The following MARK2 variants were observed in gnomAD, a reference collection of about 807,000 sequenced individuals.
The protein encoded by MARK2 is microtubule affinity regulating kinase 2.
A neutral mutation model predicts 89.8 loss-of-function variants in MARK2; 16 were observed. The ratio of observed to expected loss-of-function variants is 0.18; its 90% confidence interval spans 0.12 to 0.27. MARK2 has a LOEUF of 0.27. Ranked by LOEUF, MARK2 falls within the 10% of genes least tolerant of loss-of-function variation. The pLI, the probability that MARK2 is intolerant of heterozygous loss-of-function variation, is 1.00. For missense variants in MARK2, 621 were observed against 1,049.9 expected, an observed-to-expected ratio of 0.59 and a Z score of 5.65; for synonymous variants, 382 against 399.5, an observed-to-expected ratio of 0.96 and a Z score of 0.52.
intron 1 of MARK2, among the ~76,000 whole-genome samples, chr11:63,878,655 C>T (rs891243604): frequency 2.6e-5 from 4 of 152,146 alleles, no homozygotes; most frequent in Admixed American, 2.6e-4. Flanking sequence ...AGGAGTGAGC[C>T]ACCGCACCTG....
chr11:63,870,480 G>C (rs998804006), intron 1 of MARK2, among the ~76,000 whole-genome samples: 2 of 152,170 alleles, frequency 1.3e-5, no homozygotes, highest in African/African-American at 2.4e-5. Flanking sequence ...GTCACTCCGA[G>C]AAAAGCGAGA....
chr11:63,903,922 T>C lies in MARK2; in HGVS notation c.1515-64T>C. On this transcript the variant is annotated intron_variant, in intron 14 of 18. Coordinates refer to ENST00000402010, the MANE Select transcript of MARK2 (RefSeq NM_001039469.3). This position sits in a 1 kb window ranked among gnomAD's most constrained non-coding sequence, Gnocchi z 5.1. The stretch of plus-strand genomic sequence containing the variant: ...TGGCCCTTCCCCTGCCCTTGCTTCC[T>C]AATCCAGGCCTCCCGCCCTCACTCA... The C allele has an allele frequency of 7.0e-7, 1 of 1,436,248 alleles. No individual in the cohort carries two copies. Among genetic ancestry groups the C allele is most frequent in the South Asian group, 1.4e-5 (1 of 74,008 alleles). 89.0% of individuals were successfully genotyped at this position (1,436,248 alleles called of 1,614,324 possible).
At chr11:63,854,378 GTTTTTT>G (rs61469139) in intron 1 of MARK2, among the ~76,000 whole-genome samples, 1 of 108,806 alleles carries the variant, frequency 9.2e-6, no homozygotes, top group African/African-American at 3.4e-5. Flanking sequence ...TTTTCTATTT[GTTTTTT>G]TTTTTTTTTT....
chr11:63,909,435 A>T lies in MARK2; in HGVS notation c.*198A>T. ...GATTGTTCTCCAGCACCCCACATTC[A>T]CCCCTGCCCAGAGATTCCCCCTTCT... On this transcript the variant is annotated 3_prime_UTR_variant, in exon 19 of 19. Transcript: ENST00000402010. The T allele has an allele frequency of 2.0e-6, 1 of 510,832 alleles. No homozygotes were observed. The highest frequency in any genetic ancestry group is 3.1e-5 in the South Asian group (1 of 31,872). 31.6% of individuals were successfully genotyped at this position (510,832 alleles called of 1,614,324 possible).
chr11:63,868,116 G>T (rs945869699), intron 1 of MARK2, among the ~76,000 whole-genome samples: 1 of 152,142 alleles, frequency 6.6e-6, no homozygotes, highest in African/African-American at 2.4e-5. Context: ...ATGAGGCTGG[G>T]TGTGGTTGCT....
chr11:63,843,084 C>A (rs753079341), intron 1 of MARK2, among the ~76,000 whole-genome samples: 2 of 151,966 alleles, frequency 1.3e-5, no homozygotes, highest in African/African-American at 4.8e-5. Context: ...TTTTTCACAG[C>A]CATAGACTTC....
chr11:63,901,435 GTCTC>G (rs1940861645), intron 11 of MARK2, among the ~76,000 whole-genome samples: 1 of 139,212 alleles, frequency 7.2e-6, no homozygotes, highest in African/African-American at 2.7e-5. Context: ...GTGTGTGTGT[GTCTC>G]TGTGTGTGTC....
At chr11:63,860,438 G>T (rs534056656) in intron 1 of MARK2, among the ~76,000 whole-genome samples, 1 of 151,198 alleles carries the variant, frequency 6.6e-6, no homozygotes, top group East Asian at 2.0e-4. Flanking sequence ...TGTAGTCCCA[G>T]CTACTTGGGA....
intron 1 of MARK2, among the ~76,000 whole-genome samples, chr11:63,854,506 C>T (rs1036866846): frequency 2.0e-5 from 3 of 151,484 alleles, no homozygotes; most frequent in Non-Finnish European, 4.4e-5. Flanking sequence ...CATAAGCCAC[C>T]ATGCCCAGTC....
intron 1 of MARK2, among the ~76,000 whole-genome samples, chr11:63,848,714 C>T (rs1461855395): frequency 1.3e-5 from 2 of 151,802 alleles, no homozygotes; most frequent in Admixed American, 6.6e-5. Context: ...CCATGCCCAG[C>T]TAATTTTTTG....
intron 1 of MARK2, among the ~76,000 whole-genome samples, chr11:63,892,940 C>T (rs1940017055): frequency 7.1e-6 from 1 of 141,212 alleles, no homozygotes; most frequent in Admixed American, 7.1e-5. Context: ...CGGAGTTTCA[C>T]TCTTGTTGCC....
chr11:63,881,284 G>T (rs1226314798), intron 1 of MARK2, among the ~76,000 whole-genome samples: 1 of 152,052 alleles, frequency 6.6e-6, no homozygotes, highest in East Asian at 1.9e-4. Context: ...CAGCCTGGAT[G>T]GCCAGAGAGA....
At chr11:63,852,063 C>A (rs1043957613) in intron 1 of MARK2, among the ~76,000 whole-genome samples, 21 of 152,216 alleles carry the variant, frequency 1.4e-4, no homozygotes, top group African/African-American at 4.6e-4. Flanking sequence ...AACGTTAACA[C>A]AGTGTTGCTT....
chr11:63,846,376 G>A (rs1188389783), intron 1 of MARK2, among the ~76,000 whole-genome samples: 2 of 151,786 alleles, frequency 1.3e-5, no homozygotes, highest in East Asian at 1.9e-4. Context: ...TTTTTTTTGA[G>A]ACGGAGTCTT....
rs539266440 is a variant in MARK2 at position 63,904,360 on chromosome 11, C to T, written c.1676+213C>T. Among the ~76,000 whole-genome samples the T allele has an allele frequency of 7.2e-5, 11 of 152,310 alleles. No individual in the cohort carries two copies. Among genetic ancestry groups the T allele is most frequent in the Non-Finnish European group, 1.5e-4 (10 of 68,020 alleles). ...AGTTCTCCCTCTCAGAACAGGTATG[C>T]AGGAAGCTGTCCTAAGGCTCCAAAG... On this transcript the variant is annotated intron_variant, in intron 15 of 18. Coordinates refer to ENST00000402010, the MANE Select transcript of MARK2 (RefSeq NM_001039469.3). This position sits in a 1 kb window ranked among gnomAD's most constrained non-coding sequence, Gnocchi z 6.3.
At chr11:63,850,053 G>A (rs1378372338) in intron 1 of MARK2, 1 of 152,092 alleles carries the variant, frequency 6.6e-6, no homozygotes, top group African/African-American at 2.4e-5. Context: ...GTGATGTTTG[G>A]GATTTCTCTG....
intron 1 of MARK2, among the ~76,000 whole-genome samples, chr11:63,846,025 A>G (rs896327072): frequency 6.6e-6 from 1 of 151,828 alleles, no homozygotes; most frequent in African/African-American, 2.4e-5. Flanking sequence ...GCCCGGCATC[A>G]TTGCTTATCT....
At position 63,904,133 on chromosome 11, in the gene MARK2, G is replaced by A; in HGVS notation, c.1662G>A (p.Glu554=). ...TGCCCCCCACGGAGAGTAACTGTGA[G>A]GTGCCGCGGCCCAGGCAAGTGTGCT... ...SGLPPTESNC[E]VPRPSTAPQR... The change falls in exon 15 of 19, where the codon GAG becomes GAA. Residue 554 remains glutamate, a synonymous_variant. Transcript: ENST00000402010. This position sits in a 1 kb window ranked among gnomAD's most constrained non-coding sequence, Gnocchi z 6.3. 6.3e-7 allele frequency: 1 copy of A among 1,585,052 alleles called. No homozygotes were observed. Among genetic ancestry groups the A allele is most frequent in the Non-Finnish European group, 8.5e-7 (1 of 1,170,892 alleles).
intron 1 of MARK2, among the ~76,000 whole-genome samples, chr11:63,842,914 C>G (rs1254895939): frequency 6.6e-6 from 1 of 151,824 alleles, no homozygotes; most frequent in Non-Finnish European, 1.5e-5. Context: ...AACACACAGA[C>G]ACTGAAAATG....
Sources: gnomAD v4.1 joint callset for allele counts (sites outside exome capture counted in the v4.1 genomes callset) on GRCh38, gnomAD v4.1.1 for gene constraint, Gnocchi (gnomAD v3.1) non-coding constraint, MANE v1.5 for transcripts, NCBI Gene and HGNC (gene_info 2026-07-23, HGNC 2026-07-21) for gene names.